SH2D7: variants seen among roughly 807,000 people sequenced by gnomAD.
SH2D7 encodes the protein SH2 domain-containing protein 7.
SH2D7 carries 32 observed loss-of-function variants against 40.8 expected under a neutral mutation model. The ratio of observed to expected loss-of-function variants is 0.78; its 90% CI spans 0.59 to 1.05. The LOEUF is 1.05. Among genes scored for constraint, SH2D7 ranks in the 50% least tolerant of loss-of-function variants. The pLI is 0.00. For missense variants in SH2D7, 559 were observed against 566.6 expected (o/e 0.99, Z 0.14); for synonymous variants, 195 against 221.5 (o/e 0.88, Z 1.06).
In SH2D7 at chr15:78,092,651, C is replaced by T. The variant is rs1188425481; in HGVS notation, c.67C>T (p.Leu23=). ...TGAGGGGGCAGGGGACAGCCAGGCC[C>T]TGGCTGAGCTCCAGGAGCTTGCCCT... ...DPEGAGDSQA[L]AELQELALKW... The change falls in exon 1 of 6, where the codon CTG becomes TTG. Residue 23 remains leucine (L), a synonymous_variant. Coordinates refer to ENST00000328828, the MANE Select transcript of SH2D7 (RefSeq NM_001101404.2). 1 of 1,569,508 alleles carries T rather than the reference C, an allele frequency of 6.4e-7. No individual in the cohort carries two copies. The highest frequency in any genetic ancestry group is 2.4e-5 in the East Asian group (1 of 42,278).
At chr15:78,099,416 G>A (rs988242975) in intron 4 of SH2D7, among the ~76,000 whole-genome samples, 1 of 151,486 alleles carries the variant, frequency 6.6e-6, no homozygotes, top group Non-Finnish European at 1.5e-5. Flanking sequence ...GGATCCAAGT[G>A]ATTTCCCCTG....
chr15:78,091,987 T>C (rs546469765), upstream of SH2D7, among the ~76,000 whole-genome samples: 13 of 152,380 alleles, frequency 8.5e-5, no homozygotes, highest in South Asian at 6.2e-4. Flanking sequence ...CATTTGACTC[T>C]ATATTCTACA....
At chr15:78,102,252 AC>A (rs1195068148) in intron 5 of SH2D7, among the ~76,000 whole-genome samples, 36 of 152,352 alleles carry the variant, frequency 2.4e-4, no homozygotes, top group African/African-American at 8.4e-4. Flanking sequence ...GTTTAAAAAA[AC>A]AAACAAAAAA....
Position 78,101,443 on chromosome 15 carries a change from G to A in SH2D7, c.1190G>A (p.Ser397Asn). The A allele has an allele frequency of 1.2e-6, 2 of 1,613,272 alleles. No homozygotes were observed. The highest frequency in any genetic ancestry group is 1.7e-6 in the Non-Finnish European group (2 of 1,179,608). Residue 397 changes from serine (S) to asparagine (N), a missense_variant, in exon 5 of 6, where the codon AGC becomes AAC. Ser to Asn is a conservative substitution (Grantham distance 46, BLOSUM62 1). Transcript: ENST00000328828. ...CATCCTGGGGCCAGTCCCACATATA[G>A]CCCATGGGTCCATGGCTACAAGAGG... ...APHPGASPTY[S>N]PWVHGYKRIS...
At chr15:78,100,184 C>G (rs1266588372) in intron 4 of SH2D7, among the ~76,000 whole-genome samples, 3 of 152,232 alleles carry the variant, frequency 2.0e-5, no homozygotes, top group Admixed American at 6.5e-5. Context: ...CACCAGAGTC[C>G]TTGGCACCTA....
At position 78,100,994 on chromosome 15, in the gene SH2D7, G is replaced by C. The variant is rs1339000346; in HGVS notation, c.741G>C (p.Arg247Ser). 2.5e-6 allele frequency: 4 copies of C among 1,613,892 alleles called. No homozygotes were observed. The highest frequency in any genetic ancestry group is 3.4e-6 in the Non-Finnish European group (4 of 1,179,894). ...GTGACATCATCTATGCAGACCTGAGGAGGATGAACCAGGCACGGCTAGGCT... is the reference window on the plus strand; with the variant it reads ...GTGACATCATCTATGCAGACCTGAGCAGGATGAACCAGGCACGGCTAGGCT... ...GPSDIIYADL[R>S]RMNQARLGLG... The change falls in exon 5 of 6, where the codon AGG (arginine) becomes AGC (serine). Residue 247 changes from arginine to serine, a missense_variant. Transcript: ENST00000328828.
chr15:78,099,617 G>A (rs1325469036), intron 4 of SH2D7, among the ~76,000 whole-genome samples: 2 of 151,748 alleles, frequency 1.3e-5, no homozygotes, highest in Non-Finnish European at 1.5e-5. Context: ...GTGAGCCACA[G>A]CGCTTGGCCG....
At chr15:78,096,654 C>T (rs1268551070) in intron 2 of SH2D7, among the ~76,000 whole-genome samples, 1 of 142,972 alleles carries the variant, frequency 7.0e-6, no homozygotes, top group Non-Finnish European at 1.5e-5. Context: ...CACCACGACA[C>T]CGGCTATTTT....
chr15:78,095,222 A>C (rs747464800), intron 2 of SH2D7, among the ~76,000 whole-genome samples: 13 of 152,230 alleles, frequency 8.5e-5, no homozygotes, highest in Non-Finnish European at 1.8e-4. Flanking sequence ...CAATGCATAA[A>C]ATGTAGTAAG....
chr15:78,098,129 G>C (rs548248113), intron 3 of SH2D7, 35 bp downstream of exon 3: 1 of 1,569,628 alleles, frequency 6.4e-7, no homozygotes, highest in African/African-American at 1.4e-5. Flanking sequence ...GAGGGTGGCA[G>C]GGCAGAGAGC....
At position 78,098,084 on chromosome 15, in the gene SH2D7, C is replaced by T; in HGVS notation, c.422C>T (p.Ala141Val). 6.2e-7 allele frequency: 1 copy of T among 1,609,448 alleles called. No homozygotes were observed. Among genetic ancestry groups the T allele is most frequent in the Non-Finnish European group, 8.5e-7 (1 of 1,177,562 alleles). Residue 141 changes from alanine to valine, a missense_variant, in exon 3 of 6, where the codon GCC (alanine) becomes GTC (valine). By Grantham distance (64) the Ala-to-Val change is moderately conservative. Transcript: ENST00000328828. Reference sequence around the variant, plus strand: ...CCCTTCAAAGAGATGCTGACTGCTGCCTGCCCCCGGGTAGGCGCCCCACTT... The same window carrying T: ...CCCTTCAAAGAGATGCTGACTGCTGTCTGCCCCCGGGTAGGCGCCCCACTT... ...LEPFKEMLTA[A>V]CPRPEDNDLY...
At chr15:78,092,422 A>G (rs927692059), upstream of SH2D7, among the ~76,000 whole-genome samples, 9 of 152,322 alleles carry the variant, frequency 5.9e-5, no homozygotes, top group Admixed American at 3.9e-4. Context: ...ACCCCAAAGC[A>G]TCAGAGGAGA....
Position 78,094,109 on chromosome 15 carries a change from C to A in SH2D7, c.177-3C>A. ...CCCAGCTAATGGCATGTCTTCTGCC[C>A]AGGCAGACGGAGCAGCTACTCAGGG... On this transcript the variant is annotated splice_polypyrimidine_tract_variant and splice_region_variant and intron_variant, in intron 1 of 5. Transcript: ENST00000328828. 1 of 1,605,080 alleles carries A rather than the reference C, an allele frequency of 6.2e-7. No individual in the cohort carries two copies. The highest frequency in any genetic ancestry group is 1.1e-5 in the South Asian group (1 of 88,988).
rs557931646 is a variant in SH2D7, at chr15:78,093,944, C to G, written c.177-168C>G. ...GGCTCAGATAGGCCACATGCTGAACCCTGACAGGCCACAGACCCATCCACA... is the reference window on the plus strand; with the variant it reads ...GGCTCAGATAGGCCACATGCTGAACGCTGACAGGCCACAGACCCATCCACA... On this transcript the variant is annotated intron_variant, in intron 1 of 5. Coordinates refer to ENST00000328828, the MANE Select transcript of SH2D7 (RefSeq NM_001101404.2). Among the ~76,000 whole-genome samples, 20 of 152,320 alleles carry G rather than the reference C, an allele frequency of 1.3e-4. 1 individual carries two copies. Among genetic ancestry groups the G allele is most frequent in the Middle Eastern group, 3.4e-3 (1 of 294 alleles).
At chr15:78,090,623 CCATCAT>C (rs59098608), upstream of SH2D7, among the ~76,000 whole-genome samples, 3,851 of 146,424 alleles carry the variant, frequency 0.026, 94 homozygotes, top group African/African-American at 0.072. Context: ...TCTTGCATCA[CCATCAT>C]CATCATCATC....
chr15:78,103,025 G>C (rs942388462), intron 5 of SH2D7, among the ~76,000 whole-genome samples: 2 of 152,048 alleles, frequency 1.3e-5, no homozygotes, highest in African/African-American at 4.8e-5. Context: ...AGACCTGGCA[G>C]TGGAGACCCT....
chr15:78,098,352 A>G (rs1339574185), intron 3 of SH2D7, 32 bp from the exon 4 acceptor site: 2 of 1,607,320 alleles, frequency 1.2e-6, no homozygotes, highest in Admixed American at 3.3e-5. Flanking sequence ...GGCATGTGTG[A>G]CCACATACCT....
chr15:78,101,691 C>T, intron 5 of SH2D7, 133 bp downstream of exon 5: 1 of 1,104,846 alleles, frequency 9.1e-7, no homozygotes, highest in South Asian at 1.7e-5. Context: ...ATTTTCCAGC[C>T]CTAATATCTG....
In SH2D7 at chr15:78,101,473, C is replaced by G. The variant is rs1271721566; in HGVS notation, c.1220C>G (p.Ser407Ter). 6.2e-7 allele frequency: 1 copy of G among 1,613,294 alleles called. No homozygotes were observed. The highest frequency in any genetic ancestry group is 8.5e-7 in the Non-Finnish European group (1 of 1,179,662). ...TGGGTCCATGGCTACAAGAGGATCT[C>G]AGGGACCCCAGAGCTCTCAGAGCCT... ...SPWVHGYKRISGTPELSEPGN... is the reference protein window; with the variant it reads ...SPWVHGYKRI The change falls in exon 5 of 6, where the codon TCA (serine) becomes TGA (stop). Residue 407 changes from serine to a stop codon, truncating the protein, a stop_gained. Transcript: ENST00000328828. LOFTEE classifies it high-confidence loss of function.
Sources: allele counts gnomAD v4.1 joint callset (sites outside exome capture counted in the v4.1 genomes callset), GRCh38; gene constraint gnomAD v4.1.1; transcripts MANE v1.5; gene names NCBI Gene and HGNC (gene_info 2026-07-23, HGNC 2026-07-21).